The following PROKR2 variants were observed in gnomAD, a reference collection of about 807,000 sequenced individuals.
PROKR2 encodes prokineticin receptor 2.
In PROKR2, 26 loss-of-function variants were observed where a neutral mutation model predicts 23.4. The ratio of observed to expected loss-of-function variants is 1.11; its 90% CI spans 0.81 to 1.54. The LOEUF is 1.54. Ranked by LOEUF, PROKR2 falls within the 40% of genes most tolerant of loss-of-function variation. The pLI, the probability that PROKR2 is intolerant of heterozygous loss-of-function variation, is 0.00. For synonymous variants in PROKR2, 212 were observed against 201.2 expected (o/e 1.05, Z -0.45); for missense variants, 453 against 511.5 (o/e 0.89, Z 1.10).
intron 2 of PROKR2, 121 bp from the exon 3 acceptor site, chr20:5,302,857 C>A: frequency 1.4e-6 from 1 of 726,888 alleles, no homozygotes; most frequent in Non-Finnish European, 2.3e-6. Flanking sequence ...TGTTATCCAG[C>A]TTTAACAAGC....
chr20:5,316,026 T>A lies in PROKR2; in HGVS notation c.-9+468A>T. ...GCACTGTCGGCGTCTAGAGGCGACA[T>A]CCTGGCAAAGACAGGAATCAAGTCA... On this transcript the variant is annotated intron_variant, in intron 1 of 2. Transcript: ENST00000678254. The surrounding 1 kb of genome is among the most constrained non-coding windows in gnomAD (Gnocchi z 5.0). The A allele has an allele frequency of 4.4e-6, 2 of 456,552 alleles. No individual in the cohort carries two copies. The highest frequency in any genetic ancestry group is 8.8e-6 in the Non-Finnish European group (2 of 226,936). 28.3% of individuals were successfully genotyped at this position (456,552 alleles called of 1,614,324 possible).
intron 2 of PROKR2, 101 bp downstream of exon 2, chr20:5,313,811 G>A (rs1174441675): frequency 2.0e-6 from 2 of 1,009,978 alleles, no homozygotes; most frequent in Non-Finnish European, 3.0e-6. Flanking sequence ...CCAAAGATTG[G>A]TGAGCATTCC....
At chr20:5,315,065 A>G (rs534771556) in intron 1 of PROKR2, among the ~76,000 whole-genome samples, 82 of 152,060 alleles carry the variant, frequency 5.4e-4, no homozygotes, top group Non-Finnish European at 7.5e-4. Flanking sequence ...CTGAGTCCTA[A>G]TCTTCCTGTA....
rs572995552 is a variant in PROKR2 at position 5,314,620 on chromosome 20, C to T, written c.-8-243G>A. Among the ~76,000 whole-genome samples, 12 of 152,294 alleles carry T rather than the reference C, an allele frequency of 7.9e-5. No homozygotes were observed. The South Asian group carries it at 1.0e-3, about 13-fold the overall frequency. ...TAACCAGATGGAACTACCCGGGATGCGGGGAGAGGAGACCTGAGATCTGTA... is the reference window on the plus strand; with the variant it reads ...TAACCAGATGGAACTACCCGGGATGTGGGGAGAGGAGACCTGAGATCTGTA... On this transcript the variant is annotated intron_variant, in intron 1 of 2. Transcript: ENST00000678254.
At chr20:5,311,333 G>C (rs1468261625) in intron 2 of PROKR2, among the ~76,000 whole-genome samples, 1 of 152,152 alleles carries the variant, frequency 6.6e-6, no homozygotes, top group Non-Finnish European at 1.5e-5. Flanking sequence ...CTGCTTGGAC[G>C]GCTGAGAGAA....
chr20:5,315,701 T>C (rs1309061270), intron 1 of PROKR2: 3 of 365,532 alleles, frequency 8.2e-6, no homozygotes, highest in African/African-American at 6.4e-5. Context: ...GCCAGCTGCT[T>C]TCCCAAGGTG....
rs1405907324 is a variant in PROKR2 at position 5,316,379 on chromosome 20, G to T, written c.-9+115C>A. 2.2e-6 allele frequency: 1 copy of T among 456,474 alleles called. No individual in the cohort carries two copies. The highest frequency in any genetic ancestry group is 7.0e-5 in the East Asian group (1 of 14,388). 28.3% of individuals were successfully genotyped at this position (456,474 alleles called of 1,614,324 possible). On this transcript the variant is annotated intron_variant, in intron 1 of 2. Coordinates refer to ENST00000678254, the MANE Select transcript of PROKR2 (RefSeq NM_144773.4). This position sits in a 1 kb window ranked among gnomAD's most constrained non-coding sequence, Gnocchi z 5.0. ...CCCCGACGCATATCTCGAGAGTGGC[G>T]GGAGGCAAAGCAGCCGGAATGCCCG...
rs1441061857 is a variant in PROKR2, at chr20:5,302,325, G to T, written c.870C>A (p.Pro290=). 6.2e-7 allele frequency: 1 copy of T among 1,614,120 alleles called. No individual in the cohort carries two copies. Among genetic ancestry groups the T allele is most frequent in the African/African-American group, 1.3e-5 (1 of 74,942 alleles). The change falls in exon 3 of 3, where the codon CCC becomes CCA. Residue 290 remains proline, a synonymous_variant. Transcript: ENST00000678254. ...ILTAYVLCWA[P]FYGFTIVRDF... ...CACGAACGATGGTGAAACCGTAGAA[G>T]GGTGCCCAGCACAGCACATAGGCCG...
chr20:5,308,368 C>A (rs1354384737), intron 2 of PROKR2, among the ~76,000 whole-genome samples: 1 of 152,230 alleles, frequency 6.6e-6, no homozygotes, highest in Non-Finnish European at 1.5e-5. Flanking sequence ...CGCTTAAAGG[C>A]GTTCTTAAAC....
intron 1 of PROKR2, chr20:5,315,671 C>G (rs1344708281): frequency 2.8e-6 from 1 of 358,796 alleles, no homozygotes; most frequent in East Asian, 7.5e-5. Flanking sequence ...GCAAAAGACA[C>G]CCTAACCTGG....
chr20:5,310,390 G>A (rs998723310), intron 2 of PROKR2, among the ~76,000 whole-genome samples: 2 of 152,044 alleles, frequency 1.3e-5, no homozygotes, highest in Admixed American at 1.3e-4. Flanking sequence ...AGTAGGACAG[G>A]GAGGACTGTG....
rs1056243253 is a variant in PROKR2, at chr20:5,316,596, G to C, written c.-111C>G. Among the ~76,000 whole-genome samples the C allele has an allele frequency of 2.6e-5, 4 of 152,344 alleles. No individual in the cohort carries two copies. The highest frequency in any genetic ancestry group is 7.2e-5 in the African/African-American group (3 of 41,584). ...CGGGCCGCTCGGTTTTCACCTCGAG[G>C]ACCCGGACTTGCACTTGCAGAGCCG... On this transcript the variant is annotated 5_prime_UTR_variant, in exon 1 of 3. Coordinates refer to ENST00000678254, the MANE Select transcript of PROKR2 (RefSeq NM_144773.4). The surrounding 1 kb of genome is among the most constrained non-coding windows in gnomAD (Gnocchi z 5.0).
chr20:5,307,728 C>G (rs1979273631), intron 2 of PROKR2, among the ~76,000 whole-genome samples: 1 of 152,192 alleles, frequency 6.6e-6, no homozygotes, highest in Non-Finnish European at 1.5e-5. Flanking sequence ...GCAAGAGTTC[C>G]TATTATCTGG....
At chr20:5,314,811 C>T (rs1160835275) in intron 1 of PROKR2, among the ~76,000 whole-genome samples, 1 of 152,234 alleles carries the variant, frequency 6.6e-6, no homozygotes, top group Non-Finnish European at 1.5e-5. Context: ...CATCAGCTCC[C>T]ACAGGGGCTT....
Position 5,316,313 on chromosome 20 carries a change from A to G in PROKR2, c.-9+181T>C, listed in dbSNP as rs748755235. On this transcript the variant is annotated intron_variant, in intron 1 of 2. Transcript: ENST00000678254. The surrounding 1 kb of genome is among the most constrained non-coding windows in gnomAD (Gnocchi z 5.0). ...TACCCTACCCGGTCCTAGAGGGCCC[A>G]GAGGGGATCTCCTGAAACCAACTCG... is the stretch of plus-strand genomic sequence containing the variant. 9 of 456,678 alleles carry G rather than the reference A, an allele frequency of 2.0e-5. No homozygotes were observed. The highest frequency in any genetic ancestry group is 1.4e-4 in the South Asian group (9 of 64,574). The allele number at this position is 456,678 out of a possible 1,614,324, so 28.3% of individuals were successfully genotyped here.
At chr20:5,306,244 A>G (rs1053308271) in intron 2 of PROKR2, among the ~76,000 whole-genome samples, 1 of 151,444 alleles carries the variant, frequency 6.6e-6, no homozygotes, top group African/African-American at 2.4e-5. Flanking sequence ...CATAGCTCCA[A>G]CATTTTCCCA....
rs183390830 is a variant in PROKR2 at position 5,301,144 on chromosome 20, G to A, written c.*896C>T. On this transcript the variant is annotated 3_prime_UTR_variant, in exon 3 of 3. Transcript: ENST00000678254. ...CACCTCCCATGATGCTGTAAACCAC[G>A]CACTGACAAACTTATCGTTACATTT... Among the ~76,000 whole-genome samples the A allele has an allele frequency of 6.6e-6, 1 of 152,238 alleles. No individual in the cohort carries two copies.
chr20:5,303,863 A>C (rs1979108894), intron 2 of PROKR2, among the ~76,000 whole-genome samples: 1 of 152,198 alleles, frequency 6.6e-6, no homozygotes, highest in African/African-American at 2.4e-5. Context: ...CAGGCCCCCC[A>C]AAACCTGGCC....
At chr20:5,309,529 T>G (rs1405989742) in intron 2 of PROKR2, among the ~76,000 whole-genome samples, 1 of 152,236 alleles carries the variant, frequency 6.6e-6, no homozygotes. Context: ...GTTAAAGATC[T>G]TTGTGATTTC....
Sources: gnomAD v4.1 joint callset for allele counts (sites outside exome capture counted in the v4.1 genomes callset) on GRCh38, gnomAD v4.1.1 for gene constraint, Gnocchi (gnomAD v3.1) non-coding constraint, MANE v1.5 for transcripts, NCBI Gene and HGNC (gene_info 2026-07-23, HGNC 2026-07-21) for gene names.